The following ST3GAL6 variants were observed in gnomAD, a reference collection of about 807,000 sequenced individuals.
ST3GAL6 encodes the protein ST3 beta-galactoside alpha-2,3-sialyltransferase 6, also known as type 2 lactosamine alpha-2,3-sialyltransferase.
A neutral mutation model predicts 40.5 loss-of-function variants in ST3GAL6; 31 were observed. That is an observed-to-expected ratio of 0.77 (90% CI 0.58 to 1.03). The LOEUF is 1.03. Ranked by LOEUF, ST3GAL6 falls within the 50% of genes least tolerant of loss-of-function variation. The probability of loss-of-function intolerance (pLI) is 0.00; values close to 1 mark genes in which losing one functional copy is unlikely to be tolerated. For synonymous variants in ST3GAL6, 129 were observed against 136.9 expected, an observed-to-expected ratio of 0.94 and a Z score of 0.40; for missense variants, 357 against 393.2, an observed-to-expected ratio of 0.91 and a Z score of 0.78.
At chr3:98,750,680 G>A (rs1936942250) in intron 1 of ST3GAL6, among the ~76,000 whole-genome samples, 1 of 151,994 alleles carries the variant, frequency 6.6e-6, no homozygotes. Context: ...GATGCCAATG[G>A]CTATTAAAGT....
In ST3GAL6 at chr3:98,768,336, A is replaced by AT. The variant is rs1021844438; in HGVS notation, c.-11-88dup. 54 of 908,086 alleles carry AT rather than the reference A, an allele frequency of 5.9e-5. No individual in the cohort carries two copies. In the African/African-American group the frequency reaches 7.9e-4, roughly 13 times the overall value. 56.3% of individuals were successfully genotyped at this position (908,086 alleles called of 1,614,324 possible). A position where few individuals can be genotyped will look rare whatever the true frequency, so the allele number is the denominator to read the frequency against. Reference sequence around the variant, plus strand: ...TTTTTTTCTATAGTTCCTTTTGTATATTTTTTCCAATAATGCTTATATTTG... The same window carrying AT: ...TTTTTTTCTATAGTTCCTTTTGTATATTTTTTTCCAATAATGCTTATATTTG... On this transcript the variant is annotated intron_variant, in intron 1 of 9. Coordinates refer to ENST00000483910, the MANE Select transcript of ST3GAL6 (RefSeq NM_001323368.2).
chr3:98,732,744 G>A lies in ST3GAL6; in HGVS notation c.-12+212G>A. The A allele has an allele frequency of 2.9e-6, 3 of 1,028,266 alleles. No individual in the cohort carries two copies. The South Asian group carries it at 5.6e-5, about 19-fold the overall frequency. The allele number at this position is 1,028,266 out of a possible 1,614,324, so 63.7% of individuals were successfully genotyped here. On this transcript the variant is annotated intron_variant, in intron 1 of 9. Transcript: ENST00000265261. ...GGCTGGCGGGAGCCTGAGACTCCGG[G>A]CAGGGCTGCTCCCTCCTCTGCTCCC...
At chr3:98,768,215 T>C (rs924397698) in intron 1 of ST3GAL6, among the ~76,000 whole-genome samples, 1 of 152,224 alleles carries the variant, frequency 6.6e-6, no homozygotes, top group African/African-American at 2.4e-5. Flanking sequence ...GGCCTAAACA[T>C]ACATTATGTT....
chr3:98,768,637 T>A, intron 2 of ST3GAL6, 108 bp downstream of exon 2: 1 of 788,852 alleles, frequency 1.3e-6, no homozygotes, highest in East Asian at 2.5e-5. Flanking sequence ...ATTTTGAATA[T>A]TTTCTTGCTT....
chr3:98,769,169 TC>T (rs1462626155), intron 2 of ST3GAL6, among the ~76,000 whole-genome samples: 6 of 152,178 alleles, frequency 3.9e-5, no homozygotes, highest in Non-Finnish European at 7.4e-5. Flanking sequence ...AGACAAAGAG[TC>T]AGTATTTTTT....
upstream of ST3GAL6, among the ~76,000 whole-genome samples, chr3:98,760,481 C>G (rs1318790630): frequency 2.0e-5 from 3 of 152,184 alleles, no homozygotes; most frequent in Non-Finnish European, 1.5e-5. Context: ...ACTGTGAGCT[C>G]TATTCTCCAT....
chr3:98,768,294 A>C (rs891755355), intron 1 of ST3GAL6, 136 bp from the exon 2 acceptor site: 2 of 698,716 alleles, frequency 2.9e-6, no homozygotes, highest in Admixed American at 2.7e-5. Flanking sequence ...TATTTCCAAA[A>C]TTACATGCCC....
chr3:98,773,322 C>G (rs1294966499), intron 4 of ST3GAL6: 1 of 153,844 alleles, frequency 6.5e-6, no homozygotes, highest in African/African-American at 2.4e-5. Context: ...CTTAAGCAGT[C>G]TTTTAATTTA....
chr3:98,745,365 C>T (rs1936466722), intron 1 of ST3GAL6, among the ~76,000 whole-genome samples: 1 of 152,230 alleles, frequency 6.6e-6, no homozygotes, highest in African/African-American at 2.4e-5. Context: ...GGCTGAGTTT[C>T]TGGTGTTAGG....
chr3:98,738,292 T>A lies in ST3GAL6; in HGVS notation c.-12+5760T>A, dbSNP rs924121870. On this transcript the variant is annotated intron_variant, in intron 1 of 9. Transcript: ENST00000265261. ...GGTATTTCTTTCTTTCTTTTTTTTT[T>A]GGATAGGGTCTCACTCTGTTGAACA... Among the ~76,000 whole-genome samples the A allele has an allele frequency of 2.0e-5, 3 of 152,058 alleles. No homozygotes were observed. In the East Asian group the frequency reaches 5.8e-4, roughly 29 times the overall value.
At chr3:98,738,137 C>T (rs776733159) in intron 1 of ST3GAL6, among the ~76,000 whole-genome samples, 44 of 129,168 alleles carry the variant, frequency 3.4e-4, no homozygotes, top group Non-Finnish European at 3.3e-4. Flanking sequence ...GTAAGATGTG[C>T]CTGCTTCCCC....
At chr3:98,791,799 G>C (rs1941227115) in intron 8 of ST3GAL6, 42 bp from the exon 9 acceptor site, 1 of 1,569,402 alleles carries the variant, frequency 6.4e-7, no homozygotes, top group Non-Finnish European at 8.7e-7. Context: ...GTAACAAGTA[G>C]CTCCTTTTGC....
chr3:98,793,823 G>T lies in ST3GAL6; in HGVS notation c.*62G>T. 9.2e-7 allele frequency: 1 copy of T among 1,084,462 alleles called. No individual in the cohort carries two copies. The highest frequency in any genetic ancestry group is 1.3e-6 in the Non-Finnish European group (1 of 743,406). The allele number at this position is 1,084,462 out of a possible 1,614,324, so 67.2% of individuals were successfully genotyped here. ...TTTTATTTTTGTACTGCAATTTTTA[G>T]TTTAAAATATGTTGGATGCACTCGT... On this transcript the variant is annotated 3_prime_UTR_variant, in exon 10 of 10. Transcript: ENST00000483910.
intron 8 of ST3GAL6, among the ~76,000 whole-genome samples, chr3:98,790,590 G>C (rs548020978): frequency 1.3e-5 from 2 of 152,286 alleles, no homozygotes; most frequent in East Asian, 3.9e-4. Context: ...CTTACTGCCT[G>C]TTTGAGAGTT....
intron 5 of ST3GAL6, among the ~76,000 whole-genome samples, chr3:98,774,241 A>G (rs954761347): frequency 6.6e-6 from 1 of 152,204 alleles, no homozygotes; most frequent in Non-Finnish European, 1.5e-5. Context: ...TTTAACCTAC[A>G]TTCATTTTTT....
intron 9 of ST3GAL6, 56 bp from the exon 10 acceptor site, chr3:98,793,616 GTGC>G: frequency 9.1e-7 from 1 of 1,093,904 alleles, no homozygotes; most frequent in Non-Finnish European, 1.3e-6. Flanking sequence ...TACTCCATTG[GTGC>G]TGCTAATACT....
chr3:98,756,748 C>T (rs1011696117), intron 1 of ST3GAL6, among the ~76,000 whole-genome samples: 1 of 152,158 alleles, frequency 6.6e-6, no homozygotes, highest in East Asian at 1.9e-4. Flanking sequence ...TCAGCATATC[C>T]CACAGTTGAG....
At chr3:98,735,088 C>T (rs1935417767) in intron 1 of ST3GAL6, among the ~76,000 whole-genome samples, 1 of 152,178 alleles carries the variant, frequency 6.6e-6, no homozygotes, top group Non-Finnish European at 1.5e-5. Context: ...TTGGCACCCA[C>T]TCTGATTTTT....
upstream of ST3GAL6, among the ~76,000 whole-genome samples, chr3:98,759,605 G>GT (rs879761379): frequency 7.1e-4 from 105 of 146,872 alleles, no homozygotes; most frequent in African/African-American, 1.3e-3. Context: ...CCTTTGACAA[G>GT]TTTTTTTTTT....
Sources: allele counts gnomAD v4.1 joint callset (sites outside exome capture counted in the v4.1 genomes callset), GRCh38; gene constraint gnomAD v4.1.1; transcripts MANE v1.5; gene names NCBI Gene and HGNC (gene_info 2026-07-23, HGNC 2026-07-21).